The following NEO1 variants were observed in gnomAD, a reference collection of about 807,000 sequenced individuals.
NEO1 encodes neogenin.
A neutral mutation model predicts 159.7 loss-of-function variants in NEO1; 63 were observed. The observed-to-expected ratio is 0.39, with a 90% CI of 0.32 to 0.49. NEO1 has a LOEUF of 0.49. NEO1 is among the 20% of genes least tolerant of loss of function. The probability of loss-of-function intolerance (pLI) is 0.85; values close to 1 mark genes in which losing one functional copy is unlikely to be tolerated. For missense variants in NEO1, 1,615 were observed against 1,831.0 expected (o/e 0.88, Z 2.15); for synonymous variants, 633 against 662.0 (o/e 0.96, Z 0.67).
At chr15:73,108,874 G>A (rs928730620) in intron 1 of NEO1, among the ~76,000 whole-genome samples, 1 of 152,128 alleles carries the variant, frequency 6.6e-6, no homozygotes, top group Non-Finnish European at 1.5e-5. Flanking sequence ...CGTGAGAAAG[G>A]ACATGGCTTG....
At chr15:73,237,930 C>G (rs1170351503) in intron 8 of NEO1, among the ~76,000 whole-genome samples, 1 of 152,124 alleles carries the variant, frequency 6.6e-6, no homozygotes, top group African/African-American at 2.4e-5. Context: ...ATGCATTTTC[C>G]TCACATGAGT....
In NEO1 at chr15:73,104,170, A is replaced by G. The variant is rs151094665; in HGVS notation, c.131-12370A>G. Reference sequence around the variant, plus strand: ...AGCCACTGCGACTGGCCAAATTATTATTTTAAAGAGCCCTTCAAGTGCAGA... The same window carrying G: ...AGCCACTGCGACTGGCCAAATTATTGTTTTAAAGAGCCCTTCAAGTGCAGA... On this transcript the variant is annotated intron_variant, in intron 1 of 28. Coordinates refer to ENST00000261908, the MANE Select transcript of NEO1 (RefSeq NM_002499.4). Among the ~76,000 whole-genome samples the G allele has an allele frequency of 2.4e-3, 370 of 152,280 alleles. 1 individual carries two copies. The highest frequency in any genetic ancestry group is 8.5e-3 in the African/African-American group (352 of 41,540).
intron 7 of NEO1, among the ~76,000 whole-genome samples, chr15:73,233,417 C>G (rs1002582973): frequency 6.6e-6 from 1 of 151,896 alleles, no homozygotes; most frequent in African/African-American, 2.4e-5. Flanking sequence ...AAAATATTGC[C>G]TTTTGTAATG....
At chr15:73,156,133 T>C (rs186187542) in intron 5 of NEO1, among the ~76,000 whole-genome samples, 30 of 152,342 alleles carry the variant, frequency 2.0e-4, no homozygotes, top group African/African-American at 7.0e-4. Context: ...TTATTGAAGA[T>C]ATGTCTATAA....
At chr15:73,139,653 G>A (rs1393244766) in intron 5 of NEO1, among the ~76,000 whole-genome samples, 27 of 152,118 alleles carry the variant, frequency 1.8e-4, no homozygotes, top group Admixed American at 1.7e-3. Context: ...TTTTTGTACA[G>A]CTTGTAAGCT....
intron 4 of NEO1, 50 bp downstream of exon 4, chr15:73,126,620 G>C (rs748055227): frequency 6.4e-7 from 1 of 1,557,160 alleles, no homozygotes. Context: ...TTGAGACTTT[G>C]TCATATCCCA....
intron 1 of NEO1, among the ~76,000 whole-genome samples, chr15:73,057,776 A>G (rs1408613362): frequency 6.6e-6 from 1 of 152,180 alleles, no homozygotes; most frequent in Non-Finnish European, 1.5e-5. Flanking sequence ...CATTGTAATC[A>G]TGGTGTATGT....
Position 73,150,777 on chromosome 15 carries a change from A to AT in NEO1, c.1015+14752dup, listed in dbSNP as rs1487487210. Among the ~76,000 whole-genome samples, 4 of 152,302 alleles carry AT rather than the reference A, an allele frequency of 2.6e-5. No individual in the cohort carries two copies. The East Asian group carries it at 7.7e-4, about 29-fold the overall frequency. ...TACCACCACTGCAGAAAGTTTCCAC[A>AT]TTCCTCTTCTCAGTAAATCCTCTGC... On this transcript the variant is annotated intron_variant, in intron 5 of 28. Coordinates refer to ENST00000261908, the MANE Select transcript of NEO1 (RefSeq NM_002499.4).
chr15:73,140,871 T>C (rs1200151886), intron 5 of NEO1, among the ~76,000 whole-genome samples: 1 of 152,256 alleles, frequency 6.6e-6, no homozygotes, highest in Non-Finnish European at 1.5e-5. Flanking sequence ...TACATTGTTA[T>C]ATATAATTCC....
chr15:73,201,245 G>C (rs909767315), intron 7 of NEO1, among the ~76,000 whole-genome samples: 5 of 149,712 alleles, frequency 3.3e-5, no homozygotes, highest in African/African-American at 4.9e-5. Context: ...TCTTTCTCTA[G>C]TTTCCCAAGG....
intron 1 of NEO1, among the ~76,000 whole-genome samples, chr15:73,086,027 T>C (rs941297841): frequency 2.0e-5 from 3 of 152,206 alleles, no homozygotes; most frequent in African/African-American, 7.2e-5. Context: ...AAGCCAGGTT[T>C]ACAAAGACTT....
intron 1 of NEO1, among the ~76,000 whole-genome samples, chr15:73,084,210 A>T (rs1391855281): frequency 6.6e-6 from 1 of 152,134 alleles, no homozygotes; most frequent in Non-Finnish European, 1.5e-5. Context: ...ACATTGTTAT[A>T]ATATTAACTA....
At chr15:73,067,838 G>A (rs1318231256) in intron 1 of NEO1, among the ~76,000 whole-genome samples, 2 of 151,936 alleles carry the variant, frequency 1.3e-5, no homozygotes, top group Non-Finnish European at 2.9e-5. Flanking sequence ...GGATGGTCTC[G>A]ATCTCCTGAC....
intron 1 of NEO1, among the ~76,000 whole-genome samples, chr15:73,098,570 A>G (rs1031799737): frequency 6.6e-6 from 1 of 152,210 alleles, no homozygotes; most frequent in Non-Finnish European, 1.5e-5. Flanking sequence ...CATGGTAGAA[A>G]ATAAACTTAT....
chr15:73,199,818 T>C (rs1227842174), intron 7 of NEO1, among the ~76,000 whole-genome samples: 1 of 152,190 alleles, frequency 6.6e-6, no homozygotes, highest in African/African-American at 2.4e-5. Flanking sequence ...GTTTCCAAGA[T>C]GGTGCCTTAT....
chr15:73,145,207 A>G (rs1349825929), intron 5 of NEO1, among the ~76,000 whole-genome samples: 2 of 152,224 alleles, frequency 1.3e-5, no homozygotes. Context: ...TTGACCTGAA[A>G]AGAGTTCAAC....
chr15:73,293,458 G>C lies in NEO1; in HGVS notation c.3811G>C (p.Ala1271Pro). The C allele has an allele frequency of 6.2e-7, 1 of 1,614,074 alleles. No individual in the cohort carries two copies. Among genetic ancestry groups the C allele is most frequent in the South Asian group, 1.1e-5 (1 of 91,076 alleles). Residue 1271 changes from alanine (A) to proline (P), a missense_variant, in exon 26 of 29, where the codon GCT (alanine) becomes CCT (proline). Physicochemically the swap from Ala to Pro is conservative, Grantham distance 27. This residue lies in a region of NEO1 where 471 missense variants were observed against 498.9 expected (regional missense o/e 0.94). Transcript: ENST00000261908. ...PHHHFHSSSL[A>P]SPARSHLYHP... The stretch of plus-strand genomic sequence containing the variant: ...CCATCATTTCCACTCCAGCAGCCTC[G>C]CTTCTCCAGCTCGCAGTCATCTCTA...
At chr15:73,119,907 C>T (rs552581370) in intron 2 of NEO1, among the ~76,000 whole-genome samples, 53 of 152,304 alleles carry the variant, frequency 3.5e-4, no homozygotes, top group East Asian at 2.1e-3. Flanking sequence ...GAGGCCAAGA[C>T]GGGCGGATCA....
intron 5 of NEO1, among the ~76,000 whole-genome samples, chr15:73,161,197 A>G (rs1317353255): frequency 6.6e-6 from 1 of 152,176 alleles, no homozygotes; most frequent in African/African-American, 2.4e-5. Flanking sequence ...ATTTTTTAAA[A>G]ATCTCATGTC....
Sources: allele counts gnomAD v4.1 joint callset (sites outside exome capture counted in the v4.1 genomes callset), GRCh38; gene constraint gnomAD v4.1.1; regional missense constraint gnomAD v4.1.1; transcripts MANE v1.5; gene names NCBI Gene and HGNC (gene_info 2026-07-23, HGNC 2026-07-21).